The following MTA1 variants were observed in gnomAD, a reference collection of about 807,000 sequenced individuals.
MTA1 encodes metastasis associated 1.
In MTA1, 15 loss-of-function variants were observed where a neutral mutation model predicts 97.0. That is an observed-to-expected ratio of 0.15 (90% CI 0.10 to 0.24). The LOEUF (loss-of-function observed/expected upper bound fraction) is 0.24, where lower values mean the gene tolerates loss of function less well. Among genes scored for constraint, MTA1 ranks in the 10% least tolerant of loss-of-function variants. MTA1 has a pLI of 1.00. For synonymous variants in MTA1, 435 were observed against 417.5 expected (o/e 1.04, Z -0.51); for missense variants, 709 against 1,015.1 (o/e 0.70, Z 4.10).
chr14:105,469,967 T>G lies in MTA1; in HGVS notation c.1972T>G (p.Phe658Val). Residue 658 changes from phenylalanine to valine, a missense_variant, in exon 20 of 21, where the codon TTC becomes GTC. Coordinates refer to ENST00000331320, the MANE Select transcript of MTA1 (RefSeq NM_004689.4). ...CTGGATCGACGCCCCGGATGACGTG[T>G]TCTACATGGCCACAGAGGAGACCAG... ...MNWIDAPDDV[F>V]YMATEETRKI... is the part of the protein sequence containing the mutation. The G allele has an allele frequency of 6.2e-7, 1 of 1,612,498 alleles. No individual in the cohort carries two copies. The highest frequency in any genetic ancestry group is 8.5e-7 in the Non-Finnish European group (1 of 1,179,844).
At chr14:105,423,105 C>CA (rs1408553465) in intron 1 of MTA1, among the ~76,000 whole-genome samples, 2 of 152,040 alleles carry the variant, frequency 1.3e-5, no homozygotes, top group African/African-American at 4.8e-5. Context: ...GCAGCTTGCT[C>CA]ATGTGGGGCT....
intron 2 of MTA1, among the ~76,000 whole-genome samples, chr14:105,441,732 T>C (rs1450663072): frequency 6.6e-6 from 1 of 151,970 alleles, no homozygotes; most frequent in Non-Finnish European, 1.5e-5. Context: ...AGGTGGAGCT[T>C]GCAGTGAGCC....
chr14:105,455,694 G>A (rs1448088255), intron 7 of MTA1, among the ~76,000 whole-genome samples: 1 of 152,238 alleles, frequency 6.6e-6, no homozygotes, highest in Non-Finnish European at 1.5e-5. Context: ...GTGCTGGTGC[G>A]TCTCACAGGT....
intron 1 of MTA1, among the ~76,000 whole-genome samples, chr14:105,437,247 AGGTGTGT>A (rs2082354018): frequency 7.0e-5 from 1 of 14,236 alleles, no homozygotes; most frequent in Non-Finnish European, 3.8e-4. Context: ...GTGTGCCTGC[AGGTGTGT>A]CCTCACGGGT....
At chr14:105,436,903 G>A (rs1179313691) in intron 1 of MTA1, among the ~76,000 whole-genome samples, 1 of 152,194 alleles carries the variant, frequency 6.6e-6, no homozygotes, top group Admixed American at 6.5e-5. Context: ...TTTTCACAGC[G>A]TTGCACAAGC....
intron 10 of MTA1, 31 bp downstream of exon 10, chr14:105,460,984 G>T (rs376964000): frequency 3.8e-6 from 6 of 1,587,968 alleles, no homozygotes; most frequent in Non-Finnish European, 4.3e-6. Context: ...TGGGGGAGTG[G>T]CTGGCCATGC....
intron 1 of MTA1, among the ~76,000 whole-genome samples, chr14:105,423,129 G>C (rs1421253083): frequency 6.6e-6 from 1 of 152,042 alleles, no homozygotes; most frequent in African/African-American, 2.4e-5. Flanking sequence ...GCTTTTCAGT[G>C]GACAGGCCAT....
At chr14:105,437,247 AGGTGTGTCCTCACG>A (rs1313030161) in intron 1 of MTA1, among the ~76,000 whole-genome samples, 4 of 14,236 alleles carry the variant, frequency 2.8e-4, no homozygotes, top group African/African-American at 4.2e-4. Flanking sequence ...GTGTGCCTGC[AGGTGTGTCCTCACG>A]GGTGTGTCCT....
At chr14:105,447,206 G>A (rs2082746316) in intron 3 of MTA1, among the ~76,000 whole-genome samples, 1 of 152,178 alleles carries the variant, frequency 6.6e-6, no homozygotes, top group Admixed American at 6.5e-5. Context: ...TGGAGAAGCA[G>A]TGGTGGGGAG....
At chr14:105,421,150 G>T (rs1480335802) in intron 1 of MTA1, among the ~76,000 whole-genome samples, 1 of 152,144 alleles carries the variant, frequency 6.6e-6, no homozygotes, top group Non-Finnish European at 1.5e-5. Flanking sequence ...GAGATGGGCG[G>T]TCAGTCCGCA....
At chr14:105,460,738 G>T in intron 9 of MTA1, 27 bp from the exon 10 acceptor site, 1 of 1,540,854 alleles carries the variant, frequency 6.5e-7, no homozygotes. Flanking sequence ...ACCTTGGCCC[G>T]GGTGACCCTG....
At chr14:105,425,817 CT>C (rs1350995468) in intron 1 of MTA1, among the ~76,000 whole-genome samples, 1 of 151,994 alleles carries the variant, frequency 6.6e-6, no homozygotes, top group Non-Finnish European at 1.5e-5. Flanking sequence ...CACCTCGCCC[CT>C]ATACCCCACC....
In MTA1 at chr14:105,419,861, T is replaced by G; in HGVS notation, c.-175T>G. 1.3e-5 allele frequency: 2 copies of G among 153,376 alleles called. No individual in the cohort carries two copies. Among genetic ancestry groups the G allele is most frequent in the Non-Finnish European group, 2.6e-5 (2 of 75,912 alleles). 9.5% of individuals were successfully genotyped at this position (153,376 alleles called of 1,614,324 possible). A position where few individuals can be genotyped will look rare whatever the true frequency, so the allele number is the denominator to read the frequency against. On this transcript the variant is annotated 5_prime_UTR_variant, in exon 1 of 21. Coordinates refer to ENST00000331320, the MANE Select transcript of MTA1 (RefSeq NM_004689.4). ...TCCCGCCCGCGCCGCGGCCCTCCCG[T>G]CCCTGCGCGGCCTCGGCGGCCTCGG...
Position 105,464,819 on chromosome 14 carries a change from G to A in MTA1, c.1490G>A (p.Arg497Gln), listed in dbSNP as rs1037995739. ...REILRPWHAA[R>Q]HPYLPINSAA... The stretch of plus-strand genomic sequence containing the variant: ...ATCCTGCGCCCGTGGCACGCTGCGC[G>A]GCACCCCTACCTGCCCATCAACAGC... The change falls in exon 15 of 21, where the codon CGG (arginine) becomes CAG (glutamine). Residue 497 changes from arginine (R) to glutamine (Q), a missense_variant. This residue lies in a region of MTA1 where 388 missense variants were observed against 421.6 expected (regional missense o/e 0.92). Transcript: ENST00000331320. The A allele has an allele frequency of 2.5e-6, 4 of 1,599,716 alleles. No individual in the cohort carries two copies. Among genetic ancestry groups the A allele is most frequent in the Non-Finnish European group, 1.7e-6 (2 of 1,170,508 alleles).
Position 105,450,288 on chromosome 14 carries a change from C to T in MTA1, c.396C>T (p.Asn132=), listed in dbSNP as rs373334177. The T allele has an allele frequency of 1.1e-5, 18 of 1,607,938 alleles. No homozygotes were observed. The African/African-American group carries it at 1.7e-4, about 15-fold the overall frequency. ...GCAAGTGCAGCGTCACCCTGCTCAA[C>T]GAGACCGAGTCGCTCAAGTCCTACC... The part of the protein sequence containing the change: ...IRGKCSVTLL[N]ETESLKSYLE... The change falls in exon 6 of 21, where the codon AAC becomes AAT. Residue 132 remains asparagine, a synonymous_variant. Coordinates refer to ENST00000331320, the MANE Select transcript of MTA1 (RefSeq NM_004689.4).
chr14:105,441,779 G>A (rs1442535954), intron 2 of MTA1, among the ~76,000 whole-genome samples: 63 of 152,292 alleles, frequency 4.1e-4, no homozygotes, highest in Admixed American at 4.1e-3. Flanking sequence ...GGGCGACAGA[G>A]CGAGACTCTG....
At chr14:105,451,017 C>T (rs908838737) in intron 6 of MTA1, among the ~76,000 whole-genome samples, 4 of 152,196 alleles carry the variant, frequency 2.6e-5, no homozygotes, top group Non-Finnish European at 4.4e-5. Flanking sequence ...AAGGGGCAGG[C>T]GCATCTCCAG....
rs1394595869 is a variant in MTA1 at position 105,454,375 on chromosome 14, G to A, written c.550+65G>A. ...TCCTGTCCTGCCGGGTGACACACTG[G>A]GTGAGAGGAGGCTGGGACATGGCCG... On this transcript the variant is annotated intron_variant, in intron 7 of 20. Transcript: ENST00000331320. The A allele has an allele frequency of 2.6e-6, 3 of 1,149,466 alleles. No individual in the cohort carries two copies. In the African/African-American group the frequency reaches 4.6e-5, roughly 17 times the overall value. The allele number at this position is 1,149,466 out of a possible 1,614,324, so 71.2% of individuals were successfully genotyped here.
intron 3 of MTA1, 96 bp from the exon 4 acceptor site, chr14:105,449,263 C>T (rs1178725733): frequency 6.0e-6 from 8 of 1,326,438 alleles, no homozygotes; most frequent in Non-Finnish European, 7.2e-6. Context: ...CTGCCCTGCC[C>T]CCTGGCGGCA....
Sources: allele counts gnomAD v4.1 joint callset (sites outside exome capture counted in the v4.1 genomes callset), GRCh38; gene constraint gnomAD v4.1.1; regional missense constraint gnomAD v4.1.1; transcripts MANE v1.5; gene names NCBI Gene and HGNC (gene_info 2026-07-23, HGNC 2026-07-21).